The following ASPRV1 variants were observed in gnomAD, a reference collection of about 807,000 sequenced individuals.
ASPRV1 encodes retroviral-like aspartic protease 1.
A neutral mutation model predicts 11.0 loss-of-function variants in ASPRV1; 7 were observed. The observed-to-expected ratio is 0.64, with a 90% CI of 0.36 to 1.20. The LOEUF is 1.20. ASPRV1 is among the 50% of genes most tolerant of loss of function. The pLI is 0.02. For missense variants in ASPRV1, 299 were observed against 320.0 expected (o/e 0.93, Z 0.50); for synonymous variants, 136 against 138.4 (o/e 0.98, Z 0.12).
upstream of ASPRV1, chr2:69,962,953 G>GT: frequency 3.4e-6 from 1 of 290,794 alleles, no homozygotes; most frequent in Non-Finnish European, 7.0e-6. Context: ...GATTAAGGAT[G>GT]GGAGAGGAGG....
chr2:70,050,367 GATTTAA>G, the ASPRV1 span: 23 of 152,148 alleles, frequency 1.5e-4, no homozygotes, highest in East Asian at 7.7e-4. Flanking sequence ...ATGGATCAAA[GATTTAA>G]ATTTAAAGAT....
At chr2:70,055,102 A>G in the ASPRV1 span, among the ~76,000 whole-genome samples, 2 of 152,276 alleles carry the variant, frequency 1.3e-5, no homozygotes, top group Admixed American at 1.3e-4. Context: ...CAGGAGTTTG[A>G]GACCAGTCTG....
chr2:69,961,041 C>T lies in ASPRV1; in HGVS notation c.396G>A (p.Gln132=), dbSNP rs777250815. 5 of 1,614,092 alleles carry T rather than the reference C, an allele frequency of 3.1e-6. No individual in the cohort carries two copies. The highest frequency in any genetic ancestry group is 4.2e-6 in the Non-Finnish European group (5 of 1,179,990). Residue 132 remains glutamine, a synonymous_variant, in exon 1 of 1, where the codon CAG becomes CAA. Coordinates refer to ENST00000320256, the MANE Select transcript of ASPRV1 (RefSeq NM_152792.4). The stretch of plus-strand genomic sequence containing the variant: ...ACAAGTTTGGGTGGACCACAGAGAC[C>T]TGGGCCCCAGAGTCCACCAGGAACC... ...PVRFLVDSGA[Q]VSVVHPNLWE...
At chr2:69,952,069 A>G in the ASPRV1 span, among the ~76,000 whole-genome samples, 1 of 152,240 alleles carries the variant, frequency 6.6e-6, no homozygotes, top group Non-Finnish European at 1.5e-5. Flanking sequence ...AAACTGTTCC[A>G]GCTAACTAAA....
the ASPRV1 span, among the ~76,000 whole-genome samples, chr2:69,989,379 G>A: frequency 6.6e-6 from 1 of 152,252 alleles, no homozygotes; most frequent in Non-Finnish European, 1.5e-5. Context: ...CCATCTCCCA[G>A]GATCAGACAC....
the ASPRV1 span, chr2:69,938,339 G>A: frequency 1.3e-6 from 2 of 1,579,196 alleles, no homozygotes; most frequent in East Asian, 2.2e-5. Context: ...GTTCTGATTA[G>A]GTAACGTATT....
At chr2:70,053,220 G>T in the ASPRV1 span, among the ~76,000 whole-genome samples, 2 of 152,026 alleles carry the variant, frequency 1.3e-5, no homozygotes, top group Non-Finnish European at 2.9e-5. Context: ...CTGGGGTGAG[G>T]GTAGCCAGGG....
chr2:70,006,221 T>C, the ASPRV1 span, among the ~76,000 whole-genome samples: 9 of 152,114 alleles, frequency 5.9e-5, no homozygotes, highest in Non-Finnish European at 1.0e-4. Context: ...CTGTCCCTGT[T>C]TGAGAACCAC....
At chr2:69,995,876 G>C in the ASPRV1 span, among the ~76,000 whole-genome samples, 1 of 152,154 alleles carries the variant, frequency 6.6e-6, no homozygotes. Context: ...TGTGGAAACA[G>C]CCAAGTAATC....
chr2:70,036,124 A>G, the ASPRV1 span, among the ~76,000 whole-genome samples: 1 of 151,804 alleles, frequency 6.6e-6, no homozygotes, highest in African/African-American at 2.4e-5. Flanking sequence ...TTTTCCAAAG[A>G]GGGGCAGACA....
At chr2:70,013,324 C>T in the ASPRV1 span, among the ~76,000 whole-genome samples, 23,167 of 152,116 alleles carry the variant, frequency 0.15, 2,730 homozygotes, top group East Asian at 0.31. Flanking sequence ...TGCCATTTGT[C>T]TAATTTTGAT....
At chr2:70,017,250 C>G in the ASPRV1 span, among the ~76,000 whole-genome samples, 1 of 152,214 alleles carries the variant, frequency 6.6e-6, no homozygotes. Flanking sequence ...CTCAGCCTCC[C>G]AAAGTGCTGG....
At chr2:70,020,199 A>T in the ASPRV1 span, among the ~76,000 whole-genome samples, 3 of 152,224 alleles carry the variant, frequency 2.0e-5, no homozygotes, top group African/African-American at 7.2e-5. Flanking sequence ...TCAAATAATT[A>T]AAAATATAAT....
At chr2:70,028,900 C>T in the ASPRV1 span, among the ~76,000 whole-genome samples, 1 of 152,008 alleles carries the variant, frequency 6.6e-6, no homozygotes, top group Non-Finnish European at 1.5e-5. Flanking sequence ...TGAGGCCGTG[C>T]CACTGCACTC....
chr2:69,960,827 C>T lies in ASPRV1; in HGVS notation c.610G>A (p.Val204Met). ...SAEEAIIGTD[V>M]LQDHNAILDF... Reference sequence around the variant, plus strand: ...AGGATAGCATTGTGGTCCTGGAGCACATCAGTGCCAATGATGGCTTCCTCG... The same window carrying T: ...AGGATAGCATTGTGGTCCTGGAGCATATCAGTGCCAATGATGGCTTCCTCG... The change falls in exon 1 of 1, where the codon GTG (valine) becomes ATG (methionine). Residue 204 changes from valine to methionine, a missense_variant. Transcript: ENST00000320256. 1 of 1,614,176 alleles carries T rather than the reference C, an allele frequency of 6.2e-7. No homozygotes were observed. Among genetic ancestry groups the T allele is most frequent in the Non-Finnish European group, 8.5e-7 (1 of 1,180,034 alleles).
chr2:69,982,980 G>A, the ASPRV1 span, among the ~76,000 whole-genome samples: 29 of 152,232 alleles, frequency 1.9e-4, no homozygotes, highest in African/African-American at 7.0e-4. Flanking sequence ...GTGCAGTGGT[G>A]TGATCTTGGC....
chr2:69,963,431 T>C, upstream of ASPRV1: 1 of 456,734 alleles, frequency 2.2e-6, no homozygotes, highest in South Asian at 1.5e-5. Flanking sequence ...AGTGTTGTTC[T>C]GTGGCTCAAA....
At chr2:70,004,528 CAAAAAA>C in the ASPRV1 span, among the ~76,000 whole-genome samples, 635 of 54,628 alleles carry the variant, frequency 0.012, 5 homozygotes, top group African/African-American at 0.037. Context: ...AACTCCATCT[CAAAAAA>C]AAAAAAAAAA....
chr2:69,956,129 G>C (rs966290315), downstream of ASPRV1, among the ~76,000 whole-genome samples: 2 of 152,186 alleles, frequency 1.3e-5, no homozygotes, highest in Admixed American at 1.3e-4. Flanking sequence ...ACAGGAGCCA[G>C]TTTGAAGCTG....
Sources: allele counts gnomAD v4.1 joint callset (sites outside exome capture counted in the v4.1 genomes callset), GRCh38; gene constraint gnomAD v4.1.1; transcripts MANE v1.5; gene names NCBI Gene and HGNC (gene_info 2026-07-23, HGNC 2026-07-21).